IMMP2L: variants seen among roughly 807,000 people sequenced by gnomAD.
IMMP2L encodes the protein inner mitochondrial membrane peptidase subunit 2, also known as mitochondrial inner membrane protease subunit 2.
A neutral mutation model predicts 19.3 loss-of-function variants in IMMP2L; 18 were observed. That is an observed-to-expected ratio of 0.93 (90% confidence interval 0.64 to 1.38). The LOEUF is 1.38. Among genes scored for constraint, IMMP2L ranks in the 40% most tolerant of loss-of-function variants. The probability of loss-of-function intolerance (pLI) is 0.00; values close to 1 mark genes in which losing one functional copy is unlikely to be tolerated. For synonymous variants in IMMP2L, 76 were observed against 73.0 expected (o/e 1.04, Z -0.21); for missense variants, 233 against 218.2 (o/e 1.07, Z -0.43).
chr7:110,921,993 T>C (rs1246669847), intron 4 of IMMP2L, among the ~76,000 whole-genome samples: 2 of 152,196 alleles, frequency 1.3e-5, no homozygotes, highest in African/African-American at 2.4e-5. Flanking sequence ...CTGCTGGAAC[T>C]TGTATGCTTA....
intron 4 of IMMP2L, among the ~76,000 whole-genome samples, chr7:110,914,240 T>G (rs1332796018): frequency 6.6e-6 from 1 of 152,184 alleles, no homozygotes; most frequent in Non-Finnish European, 1.5e-5. Context: ...ATCTCACTCG[T>G]TTAAAATTTC....
At chr7:111,359,513 T>C (rs973720890) in intron 3 of IMMP2L, among the ~76,000 whole-genome samples, 1 of 151,878 alleles carries the variant, frequency 6.6e-6, no homozygotes, top group Non-Finnish European at 1.5e-5. Flanking sequence ...TATTGGCCCA[T>C]CTGGTCTGGA....
intron 1 of IMMP2L, among the ~76,000 whole-genome samples, chr7:111,557,990 C>T (rs1027040056): frequency 6.6e-6 from 1 of 151,774 alleles, no homozygotes; most frequent in Non-Finnish European, 1.5e-5. Context: ...ATATCCATTA[C>T]TAAGTCCTAA....
rs150639352 is a variant in IMMP2L at position 111,325,786 on chromosome 7, C to A, written c.239+161452G>T. On this transcript the variant is annotated intron_variant, in intron 3 of 5. Transcript: ENST00000405709. Reference sequence around the variant, plus strand: ...TATATAACTTCTATTCCCTTGACCCCTTTTCCATACTACATTCTATCTTTT... The same window carrying A: ...TATATAACTTCTATTCCCTTGACCCATTTTCCATACTACATTCTATCTTTT... 5.6e-3 allele frequency among the ~76,000 whole-genome samples: 847 copies of A among 151,760 alleles called. 16 individuals are homozygous for A. Among genetic ancestry groups the A allele is most frequent in the African/African-American group, 0.019 (777 of 41,470 alleles).
At chr7:111,530,134 G>A (rs748024769) in intron 1 of IMMP2L, among the ~76,000 whole-genome samples, 1 of 152,158 alleles carries the variant, frequency 6.6e-6, no homozygotes, top group Non-Finnish European at 1.5e-5. Context: ...ATTCAACAGT[G>A]TGGAAATTAC....
intron 4 of IMMP2L, among the ~76,000 whole-genome samples, chr7:110,930,466 C>T (rs748503851): frequency 7.9e-5 from 12 of 152,014 alleles, no homozygotes; most frequent in Admixed American, 3.9e-4. Context: ...CAGGTTCTTA[C>T]CACACATCAG....
chr7:111,044,503 G>C (rs1365115523), intron 3 of IMMP2L, among the ~76,000 whole-genome samples: 1 of 152,214 alleles, frequency 6.6e-6, no homozygotes, highest in Non-Finnish European at 1.5e-5. Context: ...AGAGATTGCA[G>C]TGAGCCGAGA....
At chr7:111,414,827 TA>T (rs953203957) in intron 3 of IMMP2L, among the ~76,000 whole-genome samples, 2 of 151,756 alleles carry the variant, frequency 1.3e-5, no homozygotes, top group Non-Finnish European at 2.9e-5. Context: ...TATTAATTTT[TA>T]AAAAAACACA....
In IMMP2L at chr7:110,800,297, T is replaced by C. The variant is rs76024505; in HGVS notation, c.408+86296A>G. On this transcript the variant is annotated intron_variant, in intron 5 of 5. Transcript: ENST00000405709. ...GAAATACTTTGAGAATGAATGACAA[T>C]ACAGAGAGCAAATTATCAAGCTCCC... Among the ~76,000 whole-genome samples the C allele has an allele frequency of 3.8e-3, 575 of 152,050 alleles. 11 individuals are homozygous for C. Among genetic ancestry groups the C allele is most frequent in the East Asian group, 0.037 (191 of 5,140 alleles).
chr7:111,551,721 T>C (rs1285849151), intron 1 of IMMP2L, among the ~76,000 whole-genome samples: 1 of 152,050 alleles, frequency 6.6e-6, no homozygotes, highest in Non-Finnish European at 1.5e-5. Context: ...AATACAACCT[T>C]CTTCATCTGA....
chr7:111,397,428 T>C (rs1378621377), intron 3 of IMMP2L, among the ~76,000 whole-genome samples: 2 of 152,140 alleles, frequency 1.3e-5, no homozygotes, highest in African/African-American at 4.8e-5. Context: ...CCTTTATCTT[T>C]GCTCTGGTCT....
chr7:110,801,233 G>C (rs1168952286), intron 5 of IMMP2L, among the ~76,000 whole-genome samples: 1 of 152,016 alleles, frequency 6.6e-6, no homozygotes, highest in Non-Finnish European at 1.5e-5. Flanking sequence ...CCTGCTATCT[G>C]TTATTTACTT....
intron 3 of IMMP2L, among the ~76,000 whole-genome samples, chr7:111,009,422 C>A (rs1824680929): frequency 6.6e-6 from 1 of 151,900 alleles, no homozygotes; most frequent in Non-Finnish European, 1.5e-5. Flanking sequence ...TTCTCTAAGA[C>A]CATAAATTCT....
intron 3 of IMMP2L, among the ~76,000 whole-genome samples, chr7:111,266,101 GTTTA>G (rs1562984764): frequency 6.6e-6 from 1 of 151,388 alleles, no homozygotes; most frequent in Non-Finnish European, 1.5e-5. Flanking sequence ...TACTTACTTA[GTTTA>G]TTGTCTGTCT....
At chr7:111,367,194 G>A (rs10262060) in intron 3 of IMMP2L, among the ~76,000 whole-genome samples, 1 of 150,742 alleles carries the variant, frequency 6.6e-6, no homozygotes, top group African/African-American at 2.4e-5. Context: ...TCCTGTGTGG[G>A]TAAAATATTA....
chr7:111,522,704 C>T (rs999506110), intron 1 of IMMP2L, among the ~76,000 whole-genome samples: 4 of 151,778 alleles, frequency 2.6e-5, no homozygotes, highest in African/African-American at 9.7e-5. Context: ...ATTAATATGG[C>T]CATTACAGAA....
At chr7:110,748,120 C>A (rs1797479727) in intron 5 of IMMP2L, among the ~76,000 whole-genome samples, 1 of 151,988 alleles carries the variant, frequency 6.6e-6, no homozygotes, top group Admixed American at 6.6e-5. Context: ...AAACAGAGAG[C>A]CAAATCACAA....
chr7:110,862,092 T>C (rs1807487967), intron 5 of IMMP2L, among the ~76,000 whole-genome samples: 1 of 152,068 alleles, frequency 6.6e-6, no homozygotes, highest in South Asian at 2.1e-4. Context: ...AAATAAACTG[T>C]GTGCATGTAT....
chr7:110,891,371 C>T (rs543087046), intron 4 of IMMP2L, among the ~76,000 whole-genome samples: 2 of 152,296 alleles, frequency 1.3e-5, no homozygotes, highest in Admixed American at 1.3e-4. Context: ...AACTAAGGTT[C>T]GAATTCACAC....
Sources: gnomAD v4.1 joint callset for allele counts (sites outside exome capture counted in the v4.1 genomes callset) on GRCh38, gnomAD v4.1.1 for gene constraint, MANE v1.5 for transcripts, NCBI Gene and HGNC (gene_info 2026-07-23, HGNC 2026-07-21) for gene names.